ACTR3C: variants seen among roughly 807,000 people sequenced by gnomAD.
ACTR3C encodes actin related protein 3C.
Under a neutral mutation model 26.3 loss-of-function variants are expected in ACTR3C, and 18 were observed. The observed-to-expected ratio is 0.68, with a 90% CI of 0.47 to 1.01. ACTR3C has a LOEUF of 1.01. ACTR3C is among the 50% of genes least tolerant of loss of function. The probability of loss-of-function intolerance (pLI) is 0.00; values close to 1 mark genes in which losing one functional copy is unlikely to be tolerated. For missense variants in ACTR3C, 184 were observed against 250.7 expected, an observed-to-expected ratio of 0.73 and a Z score of 1.80; for synonymous variants, 55 against 94.5, an observed-to-expected ratio of 0.58 and a Z score of 2.42.
chr7:150,279,341 C>T (rs1176090210), intron 6 of ACTR3C, among the ~76,000 whole-genome samples: 5 of 152,268 alleles, frequency 3.3e-5, no homozygotes, highest in Non-Finnish European at 2.9e-5. Context: ...TATCTATAAC[C>T]CATTTACCCT....
chr7:150,316,064 G>A (rs900881242), intron 1 of ACTR3C, among the ~76,000 whole-genome samples: 1 of 152,182 alleles, frequency 6.6e-6, no homozygotes, highest in African/African-American at 2.4e-5. Context: ...GGGCATCGTG[G>A]CACATGCCTG....
At chr7:150,017,517 C>G in the ACTR3C span, among the ~76,000 whole-genome samples, 2 of 150,112 alleles carry the variant, frequency 1.3e-5, no homozygotes, top group African/African-American at 5.0e-5. Context: ...ATAGGTAGCG[C>G]AGGTGGGCCA....
At chr7:150,305,906 T>C (rs2429320) in intron 1 of ACTR3C, among the ~76,000 whole-genome samples, 6,173 of 152,214 alleles carry the variant, frequency 0.041, 415 homozygotes, top group African/African-American at 0.14. Flanking sequence ...ACTCTCTTAA[T>C]GTCTTCAATT....
the ACTR3C span, among the ~76,000 whole-genome samples, chr7:149,921,299 T>G: frequency 6.6e-6 from 1 of 152,110 alleles, no homozygotes. Flanking sequence ...CCATCTTCTT[T>G]CTAATCACCA....
intron 6 of ACTR3C, among the ~76,000 whole-genome samples, chr7:150,267,205 C>CA (rs201196445): frequency 2.6e-5 from 4 of 152,234 alleles, no homozygotes; most frequent in African/African-American, 9.7e-5. Context: ...AAGCCGGAAA[C>CA]AGAGAACACG....
the ACTR3C span, among the ~76,000 whole-genome samples, chr7:150,080,036 C>T: frequency 2.6e-5 from 4 of 152,150 alleles, no homozygotes; most frequent in South Asian, 8.3e-4. Flanking sequence ...CAAGTCAGCA[C>T]GGCAAGAATG....
At chr7:150,059,037 C>T in the ACTR3C span, among the ~76,000 whole-genome samples, 4 of 152,198 alleles carry the variant, frequency 2.6e-5, no homozygotes, top group African/African-American at 9.7e-5. Context: ...CTCTTCCCAC[C>T]CAGATAAAAT....
chr7:150,017,330 CT>C, the ACTR3C span, among the ~76,000 whole-genome samples: 1 of 151,804 alleles, frequency 6.6e-6, no homozygotes, highest in Admixed American at 6.6e-5. Context: ...CTTTCTTAAA[CT>C]TCCTTGAAGT....
the ACTR3C span, among the ~76,000 whole-genome samples, chr7:150,195,617 G>A: frequency 2.0e-5 from 3 of 152,232 alleles, no homozygotes; most frequent in African/African-American, 4.8e-5. Context: ...GATAGCTCAC[G>A]CCTGTAACCC....
the ACTR3C span, chr7:149,891,416 C>G: frequency 2.9e-5 from 35 of 1,226,670 alleles, no homozygotes; most frequent in Non-Finnish European, 4.0e-5. Flanking sequence ...CTTCTCATTG[C>G]AGTTGTTGTT....
the ACTR3C span, among the ~76,000 whole-genome samples, chr7:150,135,440 G>A: frequency 5.3e-5 from 8 of 152,192 alleles, no homozygotes; most frequent in South Asian, 2.1e-4. Context: ...CCTAAGGAGG[G>A]ACCGGAATGG....
the ACTR3C span, among the ~76,000 whole-genome samples, chr7:150,225,004 A>AGTGTGTGTGTGTGTGT: frequency 7.3e-5 from 10 of 136,186 alleles, no homozygotes; most frequent in African/African-American, 1.6e-4. Flanking sequence ...CACCCCCATT[A>AGTGTGTGTGTGTGTGT]GTGTGTGTGT....
chr7:150,043,278 T>TA, the ACTR3C span, among the ~76,000 whole-genome samples: 9 of 151,182 alleles, frequency 6.0e-5, no homozygotes, highest in East Asian at 1.7e-3. Context: ...ATGGGCGTCC[T>TA]AAGCCAGTGG....
At chr7:150,029,485 T>C in the ACTR3C span, among the ~76,000 whole-genome samples, 4 of 151,594 alleles carry the variant, frequency 2.6e-5, no homozygotes, top group Non-Finnish European at 5.9e-5. Flanking sequence ...GAAGATCGCT[T>C]GAGCCCAGGA....
chr7:150,025,957 G>A, the ACTR3C span, among the ~76,000 whole-genome samples: 1 of 152,104 alleles, frequency 6.6e-6, no homozygotes, highest in African/African-American at 2.4e-5. Context: ...TCGAACTCTC[G>A]CTGACTGCGA....
At chr7:149,941,611 C>A in the ACTR3C span, among the ~76,000 whole-genome samples, 1 of 152,238 alleles carries the variant, frequency 6.6e-6, no homozygotes, top group Non-Finnish European at 1.5e-5. Context: ...CTCTACCTAG[C>A]AACCTCCTGA....
intron 6 of ACTR3C, 98 bp from the exon 7 acceptor site, chr7:150,249,152 A>G: frequency 2.3e-6 from 1 of 435,880 alleles, no homozygotes. Context: ...ATAAAACAGA[A>G]AAATGTTTAA....
chr7:149,921,648 A>T, the ACTR3C span, among the ~76,000 whole-genome samples: 1 of 152,138 alleles, frequency 6.6e-6, no homozygotes, highest in South Asian at 2.1e-4. Flanking sequence ...AGGCTGAGGC[A>T]GGCAGATCAC....
chr7:150,200,333 A>G, the ACTR3C span, among the ~76,000 whole-genome samples: 1 of 152,230 alleles, frequency 6.6e-6, no homozygotes, highest in African/African-American at 2.4e-5. Flanking sequence ...TAACCATCAA[A>G]AGTGACCATT....
Sources: allele counts gnomAD v4.1 joint callset (sites outside exome capture counted in the v4.1 genomes callset), GRCh38; gene constraint gnomAD v4.1.1; transcripts MANE v1.5; gene names NCBI Gene and HGNC (gene_info 2026-07-23, HGNC 2026-07-21).